ST6GALNAC5: variants seen among roughly 807,000 people sequenced by gnomAD.
ST6GALNAC5 encodes alpha-N-acetylgalactosaminide alpha-2,6-sialyltransferase 5.
A neutral mutation model predicts 33.6 loss-of-function variants in ST6GALNAC5; 27 were observed. That is an observed-to-expected ratio of 0.80 (90% confidence interval 0.59 to 1.11). The LOEUF is 1.11. Ranked by LOEUF, ST6GALNAC5 falls within the 50% of genes least tolerant of loss-of-function variation. The pLI is 0.00. For missense variants in ST6GALNAC5, 428 were observed against 454.0 expected (o/e 0.94, Z 0.52); for synonymous variants, 194 against 171.2 (o/e 1.13, Z -1.04).
intron 2 of ST6GALNAC5, among the ~76,000 whole-genome samples, chr1:76,979,637 T>C (rs185765308): frequency 2.3e-4 from 35 of 152,226 alleles, no homozygotes; most frequent in Admixed American, 2.0e-3. Context: ...ATTAAGACTG[T>C]AATGTAAGAC....
At chr1:77,028,900 C>G (rs775163030) in intron 2 of ST6GALNAC5, among the ~76,000 whole-genome samples, 28 of 152,128 alleles carry the variant, frequency 1.8e-4, no homozygotes, top group African/African-American at 6.8e-4. Flanking sequence ...TACATAGGAC[C>G]TGGAATGTTG....
intron 4 of ST6GALNAC5, among the ~76,000 whole-genome samples, chr1:77,060,522 T>G (rs949645672): frequency 3.3e-5 from 5 of 152,176 alleles, no homozygotes; most frequent in Admixed American, 2.6e-4. Context: ...TCCTGCAGTT[T>G]CCAGCGCTGC....
rs1307692472 is a variant in ST6GALNAC5, at chr1:77,064,202, C to G, written c.*996C>G. ...ATCTAAACTTGTGGCCTCTTCTTGA[C>G]CCATTTGAAGACTCTGCACTTGGAG... On this transcript the variant is annotated 3_prime_UTR_variant, in exon 5 of 5. Transcript: ENST00000477717. 1 of 152,114 alleles carries G rather than the reference C, an allele frequency of 6.6e-6. No homozygotes were observed. The highest frequency in any genetic ancestry group is 1.5e-5 in the Non-Finnish European group (1 of 68,026). The allele number at this position is 152,114 out of a possible 1,614,324, so 9.4% of individuals were successfully genotyped here.
At chr1:76,885,928 TGGAG>T (rs1245771792) in intron 2 of ST6GALNAC5, among the ~76,000 whole-genome samples, 1 of 152,196 alleles carries the variant, frequency 6.6e-6, no homozygotes, top group Non-Finnish European at 1.5e-5. Context: ...AGTAGCTACT[TGGAG>T]GGTATGGCCT....
chr1:77,022,566 T>G (rs1340719386), intron 2 of ST6GALNAC5, among the ~76,000 whole-genome samples: 1 of 152,200 alleles, frequency 6.6e-6, no homozygotes, highest in African/African-American at 2.4e-5. Flanking sequence ...TATAGGAAAC[T>G]CAAAGGAGGA....
Position 77,063,911 on chromosome 1 carries a change from T to G in ST6GALNAC5, c.*705T>G, listed in dbSNP as rs1333641389. 1 of 152,638 alleles carries G rather than the reference T, an allele frequency of 6.6e-6. No homozygotes were observed. The highest frequency in any genetic ancestry group is 1.5e-5 in the Non-Finnish European group (1 of 68,042). The allele number at this position is 152,638 out of a possible 1,614,324, so 9.5% of individuals were successfully genotyped here. Reference sequence around the variant, plus strand: ...TGGTATTTGACTTGGAAGTGTTGTGTTGTATTTTTTGAACCCCTAGGCTTC... The same window carrying G: ...TGGTATTTGACTTGGAAGTGTTGTGGTGTATTTTTTGAACCCCTAGGCTTC... On this transcript the variant is annotated 3_prime_UTR_variant, in exon 5 of 5. Transcript: ENST00000477717.
chr1:76,981,893 ACT>A (rs1164738595), intron 2 of ST6GALNAC5, among the ~76,000 whole-genome samples: 1 of 152,204 alleles, frequency 6.6e-6, no homozygotes, highest in African/African-American at 2.4e-5. Flanking sequence ...ACTCCAGCAA[ACT>A]CCAACAGACC....
At chr1:76,970,641 T>C (rs1648711441) in intron 2 of ST6GALNAC5, among the ~76,000 whole-genome samples, 1 of 152,158 alleles carries the variant, frequency 6.6e-6, no homozygotes, top group Non-Finnish European at 1.5e-5. Flanking sequence ...CTTCAGGATA[T>C]TATCCAGGAG....
At chr1:77,033,306 C>T (rs1651528113) in intron 2 of ST6GALNAC5, among the ~76,000 whole-genome samples, 1 of 152,220 alleles carries the variant, frequency 6.6e-6, no homozygotes, top group African/African-American at 2.4e-5. Flanking sequence ...CTACTGTATG[C>T]CATGCACTGT....
chr1:76,896,917 T>C (rs889181935), intron 2 of ST6GALNAC5, among the ~76,000 whole-genome samples: 2 of 152,142 alleles, frequency 1.3e-5, no homozygotes, highest in Non-Finnish European at 2.9e-5. Flanking sequence ...ACAGAAAGGC[T>C]ACAGGGTGCA....
At position 76,910,494 on chromosome 1, in the gene ST6GALNAC5, A is replaced by G. The variant is rs375245922; in HGVS notation, c.261+41752A>G. The stretch of plus-strand genomic sequence containing the variant: ...ACCAAACATTTTTATTTAGACATAG[A>G]TAAGAGGTTTCATGTTTTTGACTGT... On this transcript the variant is annotated intron_variant, in intron 2 of 4. Transcript: ENST00000477717. 3.9e-5 allele frequency among the ~76,000 whole-genome samples: 6 copies of G among 152,180 alleles called. No individual in the cohort carries two copies. The South Asian group carries it at 6.2e-4, about 16-fold the overall frequency.
intron 2 of ST6GALNAC5, among the ~76,000 whole-genome samples, chr1:76,971,349 G>C (rs1046820196): frequency 3.2e-4 from 49 of 152,162 alleles, no homozygotes; most frequent in Non-Finnish European, 3.2e-4. Context: ...CTACCCCCAA[G>C]TGTTACGGGC....
chr1:77,044,292 C>CA lies in ST6GALNAC5; in HGVS notation c.351dup (p.Glu118ArgfsTer8). On this transcript the variant is annotated frameshift_variant, in exon 3 of 5. Transcript: ENST00000477717. LOFTEE classifies it high-confidence loss of function. ...CGGCAAGGCTCCCAGATTGACCAGA[C>CA]AGAGTGTGTCATCCGCATGAATGAC... 3.1e-6 allele frequency: 5 copies of CA among 1,614,012 alleles called. No homozygotes were observed. Among genetic ancestry groups the CA allele is most frequent in the Non-Finnish European group, 4.2e-6 (5 of 1,180,054 alleles).
intron 2 of ST6GALNAC5, among the ~76,000 whole-genome samples, chr1:76,921,940 G>A (rs1244390907): frequency 6.6e-6 from 1 of 152,114 alleles, no homozygotes; most frequent in Non-Finnish European, 1.5e-5. Flanking sequence ...TTTCCTTTAA[G>A]ATCAGAAACA....
intron 4 of ST6GALNAC5, among the ~76,000 whole-genome samples, chr1:77,055,425 A>C (rs1460365689): frequency 6.6e-6 from 1 of 152,206 alleles, no homozygotes; most frequent in African/African-American, 2.4e-5. Flanking sequence ...CACATACTTC[A>C]TGCTGGCTCT....
At chr1:76,870,117 C>T (rs1653465870) in intron 2 of ST6GALNAC5, among the ~76,000 whole-genome samples, 1 of 152,144 alleles carries the variant, frequency 6.6e-6, no homozygotes, top group Admixed American at 6.5e-5. Context: ...TGTTAGTAGA[C>T]TTAAAATCCA....
chr1:77,012,768 G>T (rs986055602), intron 2 of ST6GALNAC5, among the ~76,000 whole-genome samples: 3 of 152,130 alleles, frequency 2.0e-5, no homozygotes, highest in African/African-American at 7.2e-5. Context: ...AACATTTATT[G>T]GGTGCTTTGG....
intron 2 of ST6GALNAC5, among the ~76,000 whole-genome samples, chr1:76,899,665 T>G (rs1646796001): frequency 2.0e-5 from 3 of 152,066 alleles, no homozygotes; most frequent in African/African-American, 7.3e-5. Flanking sequence ...GGTGCCGGAG[T>G]TTTGGGTCCA....
chr1:76,892,540 T>A (rs1654036464), intron 2 of ST6GALNAC5, among the ~76,000 whole-genome samples: 2 of 152,196 alleles, frequency 1.3e-5, no homozygotes, highest in South Asian at 4.1e-4. Context: ...TTCCTTTAAA[T>A]TCTAAACATC....
Sources: allele counts gnomAD v4.1 joint callset (sites outside exome capture counted in the v4.1 genomes callset), GRCh38; gene constraint gnomAD v4.1.1; transcripts MANE v1.5; gene names NCBI Gene and HGNC (gene_info 2026-07-23, HGNC 2026-07-21).